DEPTOR: variants seen among roughly 807,000 people sequenced by gnomAD.
The protein encoded by DEPTOR is DEP domain-containing mTOR-interacting protein.
In DEPTOR, 41 loss-of-function variants were observed where a neutral mutation model predicts 41.6. That is an observed-to-expected ratio of 0.98 (90% confidence interval 0.77 to 1.28). The LOEUF (loss-of-function observed/expected upper bound fraction) is 1.28. Ranked by LOEUF, DEPTOR falls within the 50% of genes most tolerant of loss-of-function variation. The pLI, the probability that DEPTOR is intolerant of heterozygous loss-of-function variation, is 0.00. For synonymous variants in DEPTOR, 195 were observed against 192.3 expected (o/e 1.01, Z -0.12); for missense variants, 514 against 527.9 (o/e 0.97, Z 0.26).
rs117404637 is a variant in DEPTOR, at chr8:119,934,172, C to T, written c.425+4234C>T. Among the ~76,000 whole-genome samples the T allele has an allele frequency of 7.8e-3, 1,187 of 152,092 alleles. 9 individuals carry two copies. The highest frequency in any genetic ancestry group is 0.016 in the East Asian group (84 of 5,162). On this transcript the variant is annotated intron_variant, in intron 3 of 8. Transcript: ENST00000286234. Reference sequence around the variant, plus strand: ...TTGGGATTATAGGCGTGAGCCACTGCGCCCGGCCTGGGTACCCTGGCTTTC... The same window carrying T: ...TTGGGATTATAGGCGTGAGCCACTGTGCCCGGCCTGGGTACCCTGGCTTTC...
chr8:120,002,791 A>AATATAT lies in DEPTOR; in HGVS notation c.791-170_791-165dup, dbSNP rs1177103228. 1.3e-3 allele frequency among the ~76,000 whole-genome samples: 77 copies of AATATAT among 60,654 alleles called. 5 individuals are homozygous for AATATAT. Among genetic ancestry groups the AATATAT allele is most frequent in the African/African-American group, 1.8e-3 (24 of 13,194 alleles). 39.8% of individuals were successfully genotyped at this position (60,654 alleles called of 152,430 possible). On this transcript the variant is annotated intron_variant, in intron 5 of 8. Transcript: ENST00000286234. ...GACTCCATCTCAAAAAAAAAAAAAA[A>AATATAT]ATATATATATATATATATATAATAT...
intron 3 of DEPTOR, among the ~76,000 whole-genome samples, chr8:119,960,711 C>T (rs372434632): frequency 2.0e-5 from 3 of 152,036 alleles, no homozygotes; most frequent in African/African-American, 4.8e-5. Flanking sequence ...AAAACAAGGT[C>T]GAATAAAAGA....
intron 3 of DEPTOR, among the ~76,000 whole-genome samples, chr8:119,943,758 G>A (rs1410575256): frequency 1.3e-5 from 2 of 152,018 alleles, no homozygotes; most frequent in South Asian, 2.1e-4. Flanking sequence ...GAGCTTCACC[G>A]TCCTTTATAA....
chr8:119,977,884 C>T (rs1253485436), intron 4 of DEPTOR, among the ~76,000 whole-genome samples: 7 of 151,834 alleles, frequency 4.6e-5, no homozygotes, highest in South Asian at 2.1e-4. Flanking sequence ...ATCTTGAACT[C>T]CTGGGGTCAA....
At chr8:120,002,763 C>G (rs1426910604) in intron 5 of DEPTOR, among the ~76,000 whole-genome samples, 1 of 66,920 alleles carries the variant, frequency 1.5e-5, no homozygotes, top group Non-Finnish European at 2.8e-5. Flanking sequence ...TGCAACAGGG[C>G]AAGACTCCAT....
chr8:120,006,748 A>G, intron 6 of DEPTOR, 57 bp from the exon 7 acceptor site: 2 of 1,488,398 alleles, frequency 1.3e-6, no homozygotes, highest in Non-Finnish European at 9.4e-7. Flanking sequence ...TAGCTGCTGA[A>G]TGCATGGATA....
At chr8:120,024,923 G>A (rs1193054034) in intron 8 of DEPTOR, among the ~76,000 whole-genome samples, 2 of 152,166 alleles carry the variant, frequency 1.3e-5, no homozygotes, top group African/African-American at 4.8e-5. Context: ...ATTGGATACA[G>A]GGGAGAAACC....
At chr8:119,909,212 T>C (rs1827706041) in intron 1 of DEPTOR, among the ~76,000 whole-genome samples, 1 of 152,204 alleles carries the variant, frequency 6.6e-6, no homozygotes, top group Non-Finnish European at 1.5e-5. Context: ...TCTTTCAGCT[T>C]CCCTACCTTG....
chr8:120,005,962 G>A (rs1196210898), intron 6 of DEPTOR, among the ~76,000 whole-genome samples: 2 of 152,102 alleles, frequency 1.3e-5, no homozygotes, highest in Non-Finnish European at 2.9e-5. Context: ...GAGAGTGTGG[G>A]TGCTGGTGTC....
chr8:119,933,453 G>GACACACAC (rs35420959), intron 3 of DEPTOR, among the ~76,000 whole-genome samples: 1,624 of 124,508 alleles, frequency 0.013, 30 homozygotes, highest in African/African-American at 0.031. Context: ...GACAGAGCAA[G>GACACACAC]ACACACACAC....
At chr8:119,911,751 G>T (rs1203888172) in intron 1 of DEPTOR, among the ~76,000 whole-genome samples, 2 of 152,164 alleles carry the variant, frequency 1.3e-5, no homozygotes, top group East Asian at 1.9e-4. Context: ...AAAGGTGATG[G>T]CAGAAACATT....
At chr8:120,046,480 T>C (rs1405647441) in intron 8 of DEPTOR, among the ~76,000 whole-genome samples, 1 of 152,136 alleles carries the variant, frequency 6.6e-6, no homozygotes, top group Non-Finnish European at 1.5e-5. Flanking sequence ...ACTGGCATCT[T>C]TTACTTAGCA....
chr8:119,983,278 T>C (rs763735951), intron 4 of DEPTOR, among the ~76,000 whole-genome samples: 3 of 151,468 alleles, frequency 2.0e-5, no homozygotes, highest in Non-Finnish European at 4.4e-5. Context: ...TGAGATGGAG[T>C]CTTTCTGTGT....
intron 1 of DEPTOR, among the ~76,000 whole-genome samples, chr8:119,910,838 A>G (rs1827727116): frequency 1.3e-5 from 2 of 152,202 alleles, no homozygotes; most frequent in South Asian, 2.1e-4. Flanking sequence ...GATGGCCTAA[A>G]CATTTGACTA....
intron 2 of DEPTOR, 80 bp downstream of exon 2, chr8:119,928,658 G>C: frequency 2.1e-6 from 3 of 1,457,704 alleles, no homozygotes; most frequent in Non-Finnish European, 2.7e-6. Flanking sequence ...ACTTAAGAAA[G>C]AAAACATTTT....
intron 3 of DEPTOR, among the ~76,000 whole-genome samples, chr8:119,956,270 G>A (rs1828415811): frequency 6.6e-6 from 1 of 152,148 alleles, no homozygotes; most frequent in Admixed American, 6.6e-5. Flanking sequence ...CGAAAGGCGT[G>A]GTCTTCAAAA....
intron 8 of DEPTOR, among the ~76,000 whole-genome samples, chr8:120,048,794 T>C (rs1042890370): frequency 1.3e-5 from 2 of 152,324 alleles, no homozygotes; most frequent in Non-Finnish European, 2.9e-5. Context: ...CCTGTGAGAA[T>C]AGGCGTTTTT....
intron 4 of DEPTOR, among the ~76,000 whole-genome samples, chr8:119,989,899 T>G (rs1436077054): frequency 6.6e-6 from 1 of 152,218 alleles, no homozygotes; most frequent in Non-Finnish European, 1.5e-5. Context: ...TGATCGGGCC[T>G]TTGGGTTTAA....
At chr8:119,984,869 ATT>A (rs2130030278) in intron 4 of DEPTOR, among the ~76,000 whole-genome samples, 1 of 152,202 alleles carries the variant, frequency 6.6e-6, no homozygotes, top group African/African-American at 2.4e-5. Context: ...GATTGAACTA[ATT>A]TACACTCCCA....
Sources: gnomAD v4.1 joint callset for allele counts (sites outside exome capture counted in the v4.1 genomes callset) on GRCh38, gnomAD v4.1.1 for gene constraint, MANE v1.5 for transcripts, NCBI Gene and HGNC (gene_info 2026-07-23, HGNC 2026-07-21) for gene names.